The following RNF8 variants were observed in gnomAD, a reference collection of about 807,000 sequenced individuals.
The protein encoded by RNF8 is E3 ubiquitin-protein ligase RNF8.
In RNF8, 8 loss-of-function variants were observed where a neutral mutation model predicts 59.3. The ratio of observed to expected loss-of-function variants is 0.13; its 90% CI spans 0.08 to 0.24. The LOEUF is 0.24. Among genes scored for constraint, RNF8 ranks in the 10% least tolerant of loss-of-function variants. The probability of loss-of-function intolerance (pLI) is 1.00; values close to 1 mark genes in which losing one functional copy is unlikely to be tolerated. For synonymous variants in RNF8, 162 were observed against 200.0 expected, an observed-to-expected ratio of 0.81 and a Z score of 1.60; for missense variants, 406 against 572.6, an observed-to-expected ratio of 0.71 and a Z score of 2.97.
chr6:37,369,311 G>A (rs1769701933), intron 3 of RNF8, 93 bp downstream of exon 3: 2 of 1,419,844 alleles, frequency 1.4e-6, no homozygotes, highest in East Asian at 5.0e-5. Flanking sequence ...TCTGGGCCAG[G>A]TACCAAATTC....
At chr6:37,368,287 G>A (rs1769647911) in intron 2 of RNF8, 197 bp from the exon 3 acceptor site, 2 of 1,307,492 alleles carry the variant, frequency 1.5e-6, no homozygotes, top group African/African-American at 3.0e-5. Context: ...GCATGAATGT[G>A]AAATATAGGT....
intron 7 of RNF8, among the ~76,000 whole-genome samples, chr6:37,385,843 C>A (rs1452133302): frequency 2.0e-5 from 3 of 148,444 alleles, no homozygotes; most frequent in South Asian, 2.1e-4. Context: ...TGTTTAATTT[C>A]TTTCCTTTGT....
intron 1 of RNF8, among the ~76,000 whole-genome samples, chr6:37,357,421 T>A (rs566621822): frequency 8.5e-5 from 13 of 152,350 alleles, no homozygotes; most frequent in South Asian, 8.3e-4. Context: ...ACTCTTCTAC[T>A]GTTTTGGTAC....
At chr6:37,387,736 T>C (rs939601734) in intron 7 of RNF8, among the ~76,000 whole-genome samples, 4 of 152,214 alleles carry the variant, frequency 2.6e-5, no homozygotes, top group Non-Finnish European at 4.4e-5. Context: ...CATGGAACTT[T>C]TGCTCTAAGT....
At chr6:37,358,342 A>G (rs1460119854) in intron 1 of RNF8, among the ~76,000 whole-genome samples, 1 of 152,216 alleles carries the variant, frequency 6.6e-6, no homozygotes, top group East Asian at 1.9e-4. Context: ...GAAAGAAGGA[A>G]AATGACCTGA....
At chr6:37,390,045 G>T (rs1019663959) in intron 7 of RNF8, among the ~76,000 whole-genome samples, 1 of 152,260 alleles carries the variant, frequency 6.6e-6, no homozygotes, top group African/African-American at 2.4e-5. Flanking sequence ...GGAAAAGCCT[G>T]GAGGCTAGTA....
chr6:37,374,742 G>A (rs1187929983), intron 5 of RNF8, 33 bp downstream of exon 5: 1 of 1,514,934 alleles, frequency 6.6e-7, no homozygotes, highest in South Asian at 1.1e-5. Flanking sequence ...TTAGAATTTG[G>A]TTAGTGCATG....
At chr6:37,383,920 T>A (rs974642940) in intron 7 of RNF8, among the ~76,000 whole-genome samples, 19 of 152,152 alleles carry the variant, frequency 1.2e-4, no homozygotes, top group Non-Finnish European at 1.5e-5. Context: ...TTCTGTCAGC[T>A]CCTCCCCTCC....
intron 2 of RNF8, among the ~76,000 whole-genome samples, chr6:37,368,028 C>T (rs116052254): frequency 2.0e-5 from 3 of 152,248 alleles, no homozygotes; most frequent in South Asian, 4.1e-4. Flanking sequence ...TTTATGTGTG[C>T]TTGCTTGCTT....
At position 37,393,363 on chromosome 6, in the gene RNF8, C is replaced by A. The variant is rs1030270229; in HGVS notation, c.*2605C>A. 1 of 152,152 alleles carries A rather than the reference C, an allele frequency of 6.6e-6. No homozygotes were observed. The highest frequency in any genetic ancestry group is 2.4e-5 in the African/African-American group (1 of 41,448). 9.4% of individuals were successfully genotyped at this position (152,152 alleles called of 1,614,324 possible). On this transcript the variant is annotated 3_prime_UTR_variant, in exon 8 of 8. Transcript: ENST00000373479. The stretch of plus-strand genomic sequence containing the variant: ...CAAACCAAAAATTAACCCAAACTTG[C>A]ATTATTTGTCTGAGCTACAGAATGT...
chr6:37,369,124 A>T lies in RNF8; in HGVS notation c.881A>T (p.Asp294Val), dbSNP rs1380649659. The T allele has an allele frequency of 6.2e-7, 1 of 1,614,108 alleles. No homozygotes were observed. Among genetic ancestry groups the T allele is most frequent in the East Asian group, 2.2e-5 (1 of 44,906 alleles). ...GTGCAAATGGAGCAGGAACTTCAGG[A>T]CTTACAGTCCCAGCTGTGTGCAGAG... ...KVVQMEQELQ[D>V]LQSQLCAEQA... The change falls in exon 3 of 8, where the codon GAC becomes GTC. Residue 294 changes from aspartate (D) to valine (V), a missense_variant. By Grantham distance (152) the Asp-to-Val change is radical. This residue lies in a region of RNF8 where 285 missense variants were observed against 342.0 expected (regional missense o/e 0.83). Coordinates refer to ENST00000373479, the MANE Select transcript of RNF8 (RefSeq NM_003958.4).
At chr6:37,383,606 C>T (rs920301875) in intron 7 of RNF8, among the ~76,000 whole-genome samples, 2 of 152,158 alleles carry the variant, frequency 1.3e-5, no homozygotes, top group Non-Finnish European at 2.9e-5. Context: ...TTCTAGGCCT[C>T]CTGGGCTGGT....
In RNF8 at chr6:37,381,153, G is replaced by A. The variant is rs747534389; in HGVS notation, c.1240G>A (p.Val414Ile). ...TGTGTCCACATTCCTACTGTAGGCT[G>A]TCACCTTGAACTGTGCCCACAGTTT... The part of the protein sequence containing the change: ...IICSEYFIEA[V>I]TLNCAHSFCS... The change falls in exon 7 of 8, where the codon GTC (valine) becomes ATC (isoleucine). Residue 414 changes from valine to isoleucine, a missense_variant. Physicochemically the swap from Val to Ile is conservative, Grantham distance 29. Coordinates refer to ENST00000373479, the MANE Select transcript of RNF8 (RefSeq NM_003958.4). 2 of 1,613,728 alleles carry A rather than the reference G, an allele frequency of 1.2e-6. No individual in the cohort carries two copies. The highest frequency in any genetic ancestry group is 2.2e-5 in the South Asian group (2 of 91,072).
At chr6:37,378,600 C>CAAA (rs554259061) in intron 6 of RNF8, among the ~76,000 whole-genome samples, 18 of 56,432 alleles carry the variant, frequency 3.2e-4, no homozygotes, top group African/African-American at 4.8e-4. Flanking sequence ...GACTCCGTCT[C>CAAA]AAAAAAAAAA....
rs1283808511 is a variant in RNF8 at position 37,392,136 on chromosome 6, TA to T, written c.*1381del. 4.4e-6 allele frequency: 1 copy of T among 225,810 alleles called. No individual in the cohort carries two copies. The highest frequency in any genetic ancestry group is 8.5e-6 in the Non-Finnish European group (1 of 117,382). 14.0% of individuals were successfully genotyped at this position (225,810 alleles called of 1,614,324 possible). A position where few individuals can be genotyped will look rare whatever the true frequency, so the allele number is the denominator to read the frequency against. On this transcript the variant is annotated 3_prime_UTR_variant, in exon 8 of 8. Coordinates refer to ENST00000373479, the MANE Select transcript of RNF8 (RefSeq NM_003958.4). ...TGGTAGAGTCATGGAGGAAGTAAGTTAAATGTGGAAAAAATGCTTTAAAAGT... is the reference window on the plus strand; with the variant it reads ...TGGTAGAGTCATGGAGGAAGTAAGTTAATGTGGAAAAAATGCTTTAAAAGT...
chr6:37,366,544 G>A (rs1173708166), intron 2 of RNF8, among the ~76,000 whole-genome samples: 1 of 152,218 alleles, frequency 6.6e-6, no homozygotes, highest in African/African-American at 2.4e-5. Context: ...ATTTCTGTAT[G>A]TATCTATGCC....
chr6:37,365,831 A>G (rs188104557), intron 2 of RNF8, among the ~76,000 whole-genome samples: 5 of 152,308 alleles, frequency 3.3e-5, no homozygotes, highest in Admixed American at 2.6e-4. Context: ...TGTATTTGAG[A>G]TCATATCTGG....
At chr6:37,379,945 A>G (rs914410192) in intron 6 of RNF8, among the ~76,000 whole-genome samples, 1 of 151,830 alleles carries the variant, frequency 6.6e-6, no homozygotes, top group African/African-American at 2.4e-5. Context: ...ACAGTGTCTC[A>G]CTCTGTCGCC....
At chr6:37,363,173 T>C (rs1479108521) in intron 2 of RNF8, among the ~76,000 whole-genome samples, 1 of 152,196 alleles carries the variant, frequency 6.6e-6, no homozygotes, top group African/African-American at 2.4e-5. Flanking sequence ...CCCTGTTGAG[T>C]GTACTCTTAC....
Sources: gnomAD v4.1 joint callset for allele counts (sites outside exome capture counted in the v4.1 genomes callset) on GRCh38, gnomAD v4.1.1 for gene constraint, gnomAD v4.1.1 regional missense constraint, MANE v1.5 for transcripts, NCBI Gene and HGNC (gene_info 2026-07-23, HGNC 2026-07-21) for gene names.